MAGI2: variants seen among roughly 807,000 people sequenced by gnomAD.
MAGI2 encodes the protein membrane-associated guanylate kinase, WW and PDZ domain-containing protein 2.
A neutral mutation model predicts 133.3 loss-of-function variants in MAGI2; 35 were observed. The ratio of observed to expected loss-of-function variants is 0.26; its 90% confidence interval spans 0.20 to 0.35. MAGI2 has a LOEUF of 0.35. MAGI2 is among the 10% of genes least tolerant of loss of function. MAGI2 has a pLI of 1.00. For missense variants in MAGI2, 1,636 were observed against 1,863.4 expected (o/e 0.88, Z 2.25); for synonymous variants, 729 against 710.6 (o/e 1.03, Z -0.41).
At chr7:78,964,487 A>C (rs1259828876) in intron 2 of MAGI2, among the ~76,000 whole-genome samples, 2 of 152,060 alleles carry the variant, frequency 1.3e-5, no homozygotes, top group Non-Finnish European at 2.9e-5. Flanking sequence ...ATGCAATAAA[A>C]ATCTTTATAC....
intron 9 of MAGI2, among the ~76,000 whole-genome samples, chr7:78,331,631 G>A (rs1025986300): frequency 5.3e-5 from 8 of 152,258 alleles, no homozygotes; most frequent in African/African-American, 1.7e-4. Context: ...ATAAAAAGAT[G>A]ATGTTAACCC....
rs112257258 is a variant in MAGI2, at chr7:78,711,610, T to TTTTG, written c.419-84372_419-84371insCAAA. On this transcript the variant is annotated intron_variant, in intron 2 of 21. Coordinates refer to ENST00000354212, the MANE Select transcript of MAGI2 (RefSeq NM_012301.4). ...ATGATCAAGGACTGACGATGGAGTCTTTAGGTCCCCAGCTTCTCTTCTTAC... is the reference window on the plus strand; with the variant it reads ...ATGATCAAGGACTGACGATGGAGTCTTTTGTTAGGTCCCCAGCTTCTCTTCTTAC... Among the ~76,000 whole-genome samples, 3,045 of 151,734 alleles carry TTTTG rather than the reference T, an allele frequency of 0.02. 200 individuals are homozygous for TTTTG. The East Asian group carries it at 0.23, about 12-fold the overall frequency.
intron 2 of MAGI2, among the ~76,000 whole-genome samples, chr7:78,817,924 T>C (rs981307390): frequency 2.0e-5 from 3 of 152,108 alleles, no homozygotes; most frequent in Admixed American, 6.5e-5. Flanking sequence ...TTGGTCAGCC[T>C]GGAAACATAA....
At chr7:78,706,559 A>T (rs111375658) in intron 2 of MAGI2, among the ~76,000 whole-genome samples, 1 of 152,170 alleles carries the variant, frequency 6.6e-6, no homozygotes, top group African/African-American at 2.4e-5. Flanking sequence ...CAAAACCAAT[A>T]TATTTGTATC....
At chr7:78,294,936 A>G (rs1366021640) in intron 9 of MAGI2, among the ~76,000 whole-genome samples, 1 of 151,998 alleles carries the variant, frequency 6.6e-6, no homozygotes, top group Non-Finnish European at 1.5e-5. Context: ...TTGCTGCATG[A>G]TATGTTACCA....
intron 2 of MAGI2, among the ~76,000 whole-genome samples, chr7:78,706,269 G>A (rs976241728): frequency 7.2e-5 from 11 of 151,964 alleles, no homozygotes; most frequent in African/African-American, 7.3e-5. Flanking sequence ...GTGATAGTGA[G>A]TAAGTCTCAT....
chr7:79,416,042 G>A (rs554297854), intron 1 of MAGI2, among the ~76,000 whole-genome samples: 2 of 152,232 alleles, frequency 1.3e-5, no homozygotes, highest in Admixed American at 1.3e-4. Context: ...AAAACTAGGA[G>A]GAAAACTAAA....
intron 1 of MAGI2, among the ~76,000 whole-genome samples, chr7:79,072,948 T>C (rs187585433): frequency 5.3e-5 from 8 of 152,194 alleles, no homozygotes; most frequent in Admixed American, 3.3e-4. Flanking sequence ...TTAAATTTGA[T>C]CCCTAAATCA....
chr7:78,218,818 G>A (rs1788519159), intron 10 of MAGI2, among the ~76,000 whole-genome samples: 1 of 152,070 alleles, frequency 6.6e-6, no homozygotes, highest in Admixed American at 6.5e-5. Context: ...GCGTCAGTGG[G>A]GACTAATCTA....
At chr7:78,649,174 G>A (rs1811228510) in intron 2 of MAGI2, among the ~76,000 whole-genome samples, 2 of 120,780 alleles carry the variant, frequency 1.7e-5, no homozygotes, top group African/African-American at 3.3e-5. Flanking sequence ...GAAAGAAACA[G>A]TAATCTTCAC....
At chr7:78,769,936 G>GA (rs911265105) in intron 2 of MAGI2, among the ~76,000 whole-genome samples, 52 of 151,560 alleles carry the variant, frequency 3.4e-4, no homozygotes, top group African/African-American at 1.2e-3. Context: ...AGTCAAAGGG[G>GA]AAAAAAAAGA....
In MAGI2 at chr7:78,492,955, G is replaced by A. The variant is rs142732579; in HGVS notation, c.966-3115C>T. On this transcript the variant is annotated intron_variant, in intron 5 of 21. Coordinates refer to ENST00000354212, the MANE Select transcript of MAGI2 (RefSeq NM_012301.4). Reference sequence around the variant, plus strand: ...CATGTATTTTTAGGATAAAGCTAATGTGATGATCATGAAAAGTGAGAGGTC... The same window carrying A: ...CATGTATTTTTAGGATAAAGCTAATATGATGATCATGAAAAGTGAGAGGTC... Among the ~76,000 whole-genome samples, 253 of 152,268 alleles carry A rather than the reference G, an allele frequency of 1.7e-3. 2 individuals carry two copies. The highest frequency in any genetic ancestry group is 5.9e-3 in the African/African-American group (245 of 41,562).
chr7:78,745,402 G>A (rs1004376219), intron 2 of MAGI2, among the ~76,000 whole-genome samples: 1 of 152,118 alleles, frequency 6.6e-6, no homozygotes, highest in African/African-American at 2.4e-5. Flanking sequence ...TATGAGGCAA[G>A]CTTTCTGTTC....
At chr7:78,301,807 AGATCAGGGGTT>A (rs1797854396) in intron 9 of MAGI2, among the ~76,000 whole-genome samples, 1 of 152,200 alleles carries the variant, frequency 6.6e-6, no homozygotes, top group East Asian at 1.9e-4. Context: ...TATGTGCTTA[AGATCAGGGGTT>A]CCAGAGCCAG....
Position 78,324,163 on chromosome 7 carries a change from TACACTAC to T in MAGI2, c.1408+19608_1408+19614del, listed in dbSNP as rs749830124. ...CACTACACTACACTACACACTACAC[TACACTAC>T]ACACTACACTACACTACACTACACT... On this transcript the variant is annotated intron_variant, in intron 9 of 21. Coordinates refer to ENST00000354212, the MANE Select transcript of MAGI2 (RefSeq NM_012301.4). 1.3e-3 allele frequency among the ~76,000 whole-genome samples: 159 copies of T among 122,002 alleles called. 1 individual carries two copies. The highest frequency in any genetic ancestry group is 3.5e-3 in the African/African-American group (111 of 32,156). The allele number at this position is 122,002 out of a possible 152,430, so 80.0% of individuals were successfully genotyped here.
Position 78,127,239 on chromosome 7 carries a change from G to C in MAGI2, c.3381C>G (p.Pro1127=), listed in dbSNP as rs144084071. Residue 1127 remains proline, a synonymous_variant, in exon 19 of 22, where the codon CCC becomes CCG. Coordinates refer to ENST00000354212, the MANE Select transcript of MAGI2 (RefSeq NM_012301.4). The stretch of plus-strand genomic sequence containing the variant: ...CCGACAGAGGGTACTGCCTGGTGTC[G>C]GGGGAGTGCTGCCTGTAGTCCAGTA... The part of the protein sequence containing the change: ...PPLLDYRQHS[P]DTRQYPLSDY... The C allele has an allele frequency of 6.2e-6, 10 of 1,605,376 alleles. No individual in the cohort carries two copies. Among genetic ancestry groups the C allele is most frequent in the African/African-American group, 1.3e-5 (1 of 74,678 alleles).
intron 3 of MAGI2, among the ~76,000 whole-genome samples, chr7:78,623,997 GT>G (rs1397467234): frequency 6.6e-6 from 1 of 151,988 alleles, no homozygotes; most frequent in Non-Finnish European, 1.5e-5. Context: ...AGCATCTGTT[GT>G]TTTTTGACAT....
intron 2 of MAGI2, among the ~76,000 whole-genome samples, chr7:78,855,733 A>G (rs1793576653): frequency 6.6e-6 from 1 of 152,218 alleles, no homozygotes; most frequent in Non-Finnish European, 1.5e-5. Flanking sequence ...ATGTGTAGTT[A>G]TAGCAGCAGG....
chr7:78,284,047 G>A (rs1321355410), intron 9 of MAGI2, among the ~76,000 whole-genome samples: 1 of 152,022 alleles, frequency 6.6e-6, no homozygotes, highest in Non-Finnish European at 1.5e-5. Flanking sequence ...GGTGATAAAT[G>A]TGTAACATTT....
Sources: allele counts gnomAD v4.1 joint callset (sites outside exome capture counted in the v4.1 genomes callset), GRCh38; gene constraint gnomAD v4.1.1; transcripts MANE v1.5; gene names NCBI Gene and HGNC (gene_info 2026-07-23, HGNC 2026-07-21).